Variants in KCNH1 observed in about 807,000 individuals in gnomAD.
KCNH1 encodes potassium voltage-gated channel subfamily H member 1, also known as voltage-gated delayed rectifier potassium channel KCNH1.
In KCNH1, 27 loss-of-function variants were observed where a neutral mutation model predicts 69.2. The observed-to-expected ratio is 0.39, with a 90% CI of 0.29 to 0.54. The LOEUF (loss-of-function observed/expected upper bound fraction) is 0.54, where lower values mean the gene tolerates loss of function less well. Among genes scored for constraint, KCNH1 ranks in the 20% least tolerant of loss-of-function variants. The pLI is 0.68. For synonymous variants in KCNH1, 456 were observed against 487.7 expected (o/e 0.93, Z 0.86); for missense variants, 798 against 1,261.6 (o/e 0.63, Z 5.57).
At chr1:210,830,774 T>C (rs1685142633) in intron 7 of KCNH1, among the ~76,000 whole-genome samples, 1 of 152,160 alleles carries the variant, frequency 6.6e-6, no homozygotes, top group African/African-American at 2.4e-5. Flanking sequence ...CTTCACCTCT[T>C]GGAGGGACAC....
At chr1:210,767,537 A>G (rs1683661414) in intron 10 of KCNH1, among the ~76,000 whole-genome samples, 1 of 152,236 alleles carries the variant, frequency 6.6e-6, no homozygotes, top group Non-Finnish European at 1.5e-5. Context: ...TGTGCTCTGT[A>G]AAACACTAGC....
At chr1:210,830,780 G>C (rs115672290) in intron 7 of KCNH1, among the ~76,000 whole-genome samples, 150 of 152,214 alleles carry the variant, frequency 9.9e-4, no homozygotes, top group African/African-American at 3.5e-3. Context: ...CTCTTGGAGG[G>C]ACACAATCCT....
At chr1:210,869,596 A>G (rs548210599) in intron 7 of KCNH1, among the ~76,000 whole-genome samples, 4 of 151,160 alleles carry the variant, frequency 2.6e-5, no homozygotes, top group African/African-American at 9.7e-5. Context: ...TGAATGCTGG[A>G]TATTGTCCTC....
chr1:211,075,526 A>C (rs1236321890), intron 5 of KCNH1, among the ~76,000 whole-genome samples: 1 of 152,222 alleles, frequency 6.6e-6, no homozygotes, highest in African/African-American at 2.4e-5. Flanking sequence ...TCCTTGGGTA[A>C]GAAGGAGATT....
intron 7 of KCNH1, among the ~76,000 whole-genome samples, chr1:210,905,404 C>A (rs967910022): frequency 1.2e-4 from 18 of 152,144 alleles, no homozygotes; most frequent in African/African-American, 4.3e-4. Flanking sequence ...AAGATCAAGG[C>A]ATCCTGGTAC....
chr1:210,784,364 G>T (rs1684051696), intron 9 of KCNH1, among the ~76,000 whole-genome samples: 1 of 152,204 alleles, frequency 6.6e-6, no homozygotes, highest in Admixed American at 6.5e-5. Flanking sequence ...ATCTGCTACA[G>T]TTTACAGATG....
At position 210,859,059 on chromosome 1, in the gene KCNH1, T is replaced by C. The variant is rs373048563; in HGVS notation, c.1463-54893A>G. 37 of 655,468 alleles carry C rather than the reference T, an allele frequency of 5.6e-5. No homozygotes were observed. In the African/African-American group the frequency reaches 6.5e-4, roughly 12 times the overall value. 40.6% of individuals were successfully genotyped at this position (655,468 alleles called of 1,614,324 possible). On this transcript the variant is annotated intron_variant, in intron 7 of 10. Transcript: ENST00000271751. ...GTTGTTGTTGTTGTGATTTTTTTTC[T>C]GTCCATCTACTGATCATTAGTTTAG...
At chr1:211,096,055 A>ATTTC (rs534802634) in intron 3 of KCNH1, among the ~76,000 whole-genome samples, 1,879 of 151,738 alleles carry the variant, frequency 0.012, 45 homozygotes, top group African/African-American at 0.043. Context: ...CACTTTATTT[A>ATTTC]TTTATTTATT....
chr1:210,730,465 G>C (rs1682718029), intron 10 of KCNH1, among the ~76,000 whole-genome samples: 1 of 152,114 alleles, frequency 6.6e-6, no homozygotes, highest in South Asian at 2.1e-4. Context: ...TAGCAAATTG[G>C]TTTTGAACTG....
chr1:210,806,836 A>AAAAAAAAATATATATATATAT (rs1553346591), intron 7 of KCNH1, among the ~76,000 whole-genome samples: 1 of 85,684 alleles, frequency 1.2e-5, no homozygotes. Flanking sequence ...AAAAAAAAAA[A>AAAAAAAAATATATATATATAT]ATATATATAT....
chr1:211,082,680 A>T, intron 5 of KCNH1, 100 bp downstream of exon 5: 1 of 912,180 alleles, frequency 1.1e-6, no homozygotes. Flanking sequence ...GGGGGTCCTG[A>T]AGGTCCTCTC....
At chr1:210,847,716 A>G (rs1014364127) in intron 7 of KCNH1, among the ~76,000 whole-genome samples, 39 of 152,172 alleles carry the variant, frequency 2.6e-4, no homozygotes, top group South Asian at 4.1e-4. Context: ...TGTACCCTAA[A>G]ACTTAAAGTA....
At position 211,082,913 on chromosome 1, in the gene KCNH1, A is replaced by G. The variant is rs758108435; in HGVS notation, c.440-15T>C. On this transcript the variant is annotated splice_polypyrimidine_tract_variant and intron_variant, in intron 4 of 10. Coordinates refer to ENST00000271751, the MANE Select transcript of KCNH1 (RefSeq NM_172362.3). ...CTTCCCCCAGCCTGAAGCAAGTGGA[A>G]GAGTGAAAAGACAGGGTCAACCACA... is the stretch of plus-strand genomic sequence containing the variant. 2 of 1,604,594 alleles carry G rather than the reference A, an allele frequency of 1.2e-6. No homozygotes were observed. Among genetic ancestry groups the G allele is most frequent in the Non-Finnish European group, 1.7e-6 (2 of 1,172,498 alleles).
At chr1:211,080,888 A>G (rs1427346631) in intron 5 of KCNH1, among the ~76,000 whole-genome samples, 2 of 152,224 alleles carry the variant, frequency 1.3e-5, no homozygotes, top group African/African-American at 4.8e-5. Context: ...AGGCAATACC[A>G]TTCAGGACAT....
At position 211,025,075 on chromosome 1, in the gene KCNH1, C is replaced by T. The variant is rs1015012959; in HGVS notation, c.559-5819G>A. On this transcript the variant is annotated intron_variant, in intron 5 of 10. Transcript: ENST00000271751. Reference sequence around the variant, plus strand: ...CAGGAAGAAGTACAGAGAAGGCTGGCTCCAAGAGAGAATCACCAATGGGTT... The same window carrying T: ...CAGGAAGAAGTACAGAGAAGGCTGGTTCCAAGAGAGAATCACCAATGGGTT... Among the ~76,000 whole-genome samples, 5 of 152,144 alleles carry T rather than the reference C, an allele frequency of 3.3e-5. No individual in the cohort carries two copies. In the East Asian group the frequency reaches 5.8e-4, roughly 18 times the overall value.
intron 10 of KCNH1, among the ~76,000 whole-genome samples, chr1:210,730,573 A>T (rs1274770183): frequency 2.6e-5 from 3 of 115,740 alleles, no homozygotes; most frequent in Non-Finnish European, 5.0e-5. Flanking sequence ...GCCAATTACC[A>T]TTGCTTTTCC....
intron 7 of KCNH1, among the ~76,000 whole-genome samples, chr1:210,909,513 T>C (rs1370539234): frequency 6.6e-6 from 1 of 152,240 alleles, no homozygotes; most frequent in Non-Finnish European, 1.5e-5. Context: ...TTTACCTTCA[T>C]TTATGCCATT....
At chr1:210,755,269 G>A (rs1479828899) in intron 10 of KCNH1, among the ~76,000 whole-genome samples, 1 of 152,192 alleles carries the variant, frequency 6.6e-6, no homozygotes, top group African/African-American at 2.4e-5. Context: ...TACTTATAGA[G>A]AGAATCCAAG....
intron 7 of KCNH1, chr1:210,861,324 G>C: frequency 1.2e-6 from 1 of 806,418 alleles, no homozygotes; most frequent in Non-Finnish European, 2.3e-6. Flanking sequence ...AAAACTTGAG[G>C]AGCCATATAT....
Sources: allele counts gnomAD v4.1 joint callset (sites outside exome capture counted in the v4.1 genomes callset), GRCh38; gene constraint gnomAD v4.1.1; transcripts MANE v1.5; gene names NCBI Gene and HGNC (gene_info 2026-07-23, HGNC 2026-07-21).